ANKRD44: variants seen among roughly 807,000 people sequenced by gnomAD.
ANKRD44 encodes serine/threonine-protein phosphatase 6 regulatory ankyrin repeat subunit B.
Under a neutral mutation model 116.0 loss-of-function variants are expected in ANKRD44, and 35 were observed. The observed-to-expected ratio is 0.30, with a 90% CI of 0.23 to 0.40. The LOEUF is 0.40. ANKRD44 is among the 10% of genes least tolerant of loss of function. ANKRD44 has a pLI of 1.00. For missense variants in ANKRD44, 1,014 were observed against 1,242.6 expected (o/e 0.82, Z 2.77); for synonymous variants, 435 against 461.8 (o/e 0.94, Z 0.74).
chr2:197,308,293 C>T (rs1412398381), intron 1 of ANKRD44, among the ~76,000 whole-genome samples: 2 of 152,090 alleles, frequency 1.3e-5, no homozygotes, highest in East Asian at 3.9e-4. Context: ...GGCTCCCTGC[C>T]CACAATGATG....
chr2:197,136,685 A>G, intron 3 of ANKRD44, 23 bp from the exon 4 acceptor site: 1 of 1,612,196 alleles, frequency 6.2e-7, no homozygotes, highest in Non-Finnish European at 8.5e-7. Context: ...AGCACAAGTT[A>G]GAGGCATAAT....
At chr2:197,259,623 A>G (rs2082543484) in intron 1 of ANKRD44, among the ~76,000 whole-genome samples, 1 of 152,120 alleles carries the variant, frequency 6.6e-6, no homozygotes, top group African/African-American at 2.4e-5. Context: ...CCTCCAACTC[A>G]TAGTCATTAA....
intron 1 of ANKRD44, among the ~76,000 whole-genome samples, chr2:197,188,707 T>C (rs1388881728): frequency 2.6e-5 from 4 of 152,180 alleles, no homozygotes; most frequent in African/African-American, 9.7e-5. Flanking sequence ...GATGGAGTAG[T>C]TGATAATTTT....
At chr2:197,170,748 C>G (rs1421449452) in intron 2 of ANKRD44, among the ~76,000 whole-genome samples, 3 of 152,126 alleles carry the variant, frequency 2.0e-5, no homozygotes, top group African/African-American at 7.2e-5. Context: ...AAATGAGATG[C>G]AGAGTTTAGA....
At chr2:197,068,092 T>C (rs1419502212) in intron 16 of ANKRD44, among the ~76,000 whole-genome samples, 1 of 123,238 alleles carries the variant, frequency 8.1e-6, no homozygotes, top group African/African-American at 3.1e-5. Context: ...ACCATCATTC[T>C]CAGTAAACTA....
chr2:197,278,804 CAAGT>C (rs2083179926), intron 1 of ANKRD44, among the ~76,000 whole-genome samples: 1 of 152,206 alleles, frequency 6.6e-6, no homozygotes, highest in African/African-American at 2.4e-5. Flanking sequence ...CGCCAGCAAG[CAAGT>C]GCCTCAAATC....
chr2:197,118,637 G>GAGAGAAAGAAAGAAAGAAAGAA (rs773839262), intron 8 of ANKRD44, among the ~76,000 whole-genome samples: 167 of 112,360 alleles, frequency 1.5e-3, no homozygotes, highest in Middle Eastern at 4.9e-3. Context: ...GAGAGAGAGA[G>GAGAGAAAGAAAGAAAGAAAGAA]AGAAAGAAAG....
intron 2 of ANKRD44, among the ~76,000 whole-genome samples, chr2:197,162,286 A>G (rs1479098241): frequency 1.3e-5 from 2 of 152,236 alleles, no homozygotes; most frequent in Non-Finnish European, 2.9e-5. Flanking sequence ...GTGACAAGAC[A>G]TTGAGGCTTC....
chr2:197,223,235 C>A (rs752574359), intron 1 of ANKRD44, among the ~76,000 whole-genome samples: 1 of 152,168 alleles, frequency 6.6e-6, no homozygotes, highest in Non-Finnish European at 1.5e-5. Context: ...AAGATCCAAG[C>A]AAAGCCCTGG....
intron 1 of ANKRD44, among the ~76,000 whole-genome samples, chr2:197,213,485 C>T (rs1023810816): frequency 5.3e-5 from 8 of 152,118 alleles, no homozygotes; most frequent in Admixed American, 3.3e-4. Context: ...TTTAACCTTA[C>T]CTAAAATAAA....
At chr2:197,157,072 C>G (rs1559111423) in intron 2 of ANKRD44, among the ~76,000 whole-genome samples, 1 of 152,068 alleles carries the variant, frequency 6.6e-6, no homozygotes, top group Admixed American at 6.5e-5. Context: ...AAACTGTACA[C>G]TTTAAATATG....
chr2:197,277,425 TG>T (rs2083123857), intron 1 of ANKRD44, among the ~76,000 whole-genome samples: 1 of 151,960 alleles, frequency 6.6e-6, no homozygotes, highest in Non-Finnish European at 1.5e-5. Flanking sequence ...CTGGAGGAGG[TG>T]TCTTGCAAAG....
At chr2:197,107,876 A>T (rs2078470150) in intron 9 of ANKRD44, among the ~76,000 whole-genome samples, 1 of 152,206 alleles carries the variant, frequency 6.6e-6, no homozygotes, top group Non-Finnish European at 1.5e-5. Flanking sequence ...AACAGGAGGT[A>T]AAAAAAGAAC....
At chr2:197,086,567 A>T (rs2077929241) in intron 13 of ANKRD44, 113 bp downstream of exon 13, 2 of 939,726 alleles carry the variant, frequency 2.1e-6, no homozygotes, top group East Asian at 5.2e-5. Flanking sequence ...AGGAGGATGG[A>T]ATCCCCCCAG....
At chr2:197,295,025 C>T (rs2083677530) in intron 1 of ANKRD44, among the ~76,000 whole-genome samples, 1 of 152,046 alleles carries the variant, frequency 6.6e-6, no homozygotes, top group Admixed American at 6.6e-5. Flanking sequence ...ACAGTGATTC[C>T]TAGGCAGAGG....
At chr2:197,000,683 C>T (rs925733079) in intron 22 of ANKRD44, among the ~76,000 whole-genome samples, 181 bp from the exon 23 acceptor site, 3 of 152,172 alleles carry the variant, frequency 2.0e-5, no homozygotes, top group Non-Finnish European at 2.9e-5. Flanking sequence ...ACTTCAGAAC[C>T]TCTATATCCA....
intron 1 of ANKRD44, among the ~76,000 whole-genome samples, chr2:197,305,403 T>A (rs954262506): frequency 6.6e-6 from 1 of 152,218 alleles, no homozygotes; most frequent in Non-Finnish European, 1.5e-5. Flanking sequence ...AATCACAAAA[T>A]TATCAGATCT....
chr2:197,010,493 G>A (rs1026498719), intron 18 of ANKRD44, among the ~76,000 whole-genome samples: 13 of 152,204 alleles, frequency 8.5e-5, no homozygotes, highest in African/African-American at 3.1e-4. Context: ...GCCTGGACCG[G>A]CTGGGGCGGG....
At chr2:197,071,629 G>A (rs2077560705) in intron 16 of ANKRD44, among the ~76,000 whole-genome samples, 1 of 152,102 alleles carries the variant, frequency 6.6e-6, no homozygotes, top group South Asian at 2.1e-4. Flanking sequence ...TTATCTTTGT[G>A]AATGTTCATG....
Sources: allele counts gnomAD v4.1 joint callset (sites outside exome capture counted in the v4.1 genomes callset), GRCh38; gene constraint gnomAD v4.1.1; transcripts MANE v1.5; gene names NCBI Gene and HGNC (gene_info 2026-07-23, HGNC 2026-07-21).